ZFAT: variants seen among roughly 807,000 people sequenced by gnomAD.
ZFAT encodes zinc finger protein ZFAT.
ZFAT carries 64 observed loss-of-function variants against 117.7 expected under a neutral mutation model. The ratio of observed to expected loss-of-function variants is 0.54; its 90% CI spans 0.44 to 0.67. The LOEUF (loss-of-function observed/expected upper bound fraction) is 0.67. Ranked by LOEUF, ZFAT falls within the 30% of genes least tolerant of loss-of-function variation. ZFAT has a pLI of 0.00. For missense variants in ZFAT, 1,433 were observed against 1,584.5 expected (o/e 0.90, Z 1.62); for synonymous variants, 679 against 615.0 (o/e 1.10, Z -1.54).
At chr8:134,639,946 G>C (rs1449860473) in intron 2 of ZFAT, 5 of 361,804 alleles carry the variant, frequency 1.4e-5, no homozygotes, top group African/African-American at 1.1e-4. Flanking sequence ...TACCCAAAGA[G>C]AAGTCTGGCC....
At chr8:134,789,161 T>A in the ZFAT span, among the ~76,000 whole-genome samples, 1 of 152,228 alleles carries the variant, frequency 6.6e-6, no homozygotes, top group African/African-American at 2.4e-5. Flanking sequence ...AGGTATACAT[T>A]CTATTAGCCT....
chr8:134,561,772 G>A (rs887032768), intron 11 of ZFAT, among the ~76,000 whole-genome samples: 5 of 152,200 alleles, frequency 3.3e-5, no homozygotes, highest in African/African-American at 1.2e-4. Context: ...TAAAAAAAGC[G>A]AGACTTGATT....
intron 6 of ZFAT, among the ~76,000 whole-genome samples, chr8:134,601,023 A>G (rs1827399387): frequency 6.6e-6 from 1 of 152,054 alleles, no homozygotes; most frequent in Admixed American, 6.6e-5. Context: ...GATTTTCTAT[A>G]TCCTGACCAC....
intron 5 of ZFAT, among the ~76,000 whole-genome samples, chr8:134,604,290 T>C (rs557463726): frequency 1.1e-3 from 168 of 152,332 alleles, no homozygotes; most frequent in Non-Finnish European, 2.0e-3. Context: ...GACTTGAATC[T>C]AGGAAGACTC....
intron 12 of ZFAT, among the ~76,000 whole-genome samples, chr8:134,523,501 T>C (rs1820809462): frequency 6.6e-6 from 1 of 152,202 alleles, no homozygotes; most frequent in Non-Finnish European, 1.5e-5. Flanking sequence ...AAGTGCTCTC[T>C]CAGCAGCTAT....
intron 1 of ZFAT, among the ~76,000 whole-genome samples, chr8:134,672,543 A>C (rs965451369): frequency 6.6e-6 from 1 of 152,222 alleles, no homozygotes; most frequent in African/African-American, 2.4e-5. Flanking sequence ...GTACCCTAGA[A>C]CTTAAAGTAT....
the ZFAT span, among the ~76,000 whole-genome samples, chr8:134,805,771 C>T: frequency 2.6e-5 from 4 of 151,984 alleles, no homozygotes; most frequent in East Asian, 1.9e-4. Flanking sequence ...GCTTGAGTCC[C>T]GGAGTTCAAG....
the ZFAT span, among the ~76,000 whole-genome samples, chr8:134,733,304 A>G: frequency 6.6e-6 from 1 of 152,144 alleles, no homozygotes; most frequent in African/African-American, 2.4e-5. Context: ...CAAGTCCTCC[A>G]CGGCCAAAAT....
chr8:134,632,811 G>A (rs1439064963), intron 3 of ZFAT, among the ~76,000 whole-genome samples: 2 of 152,124 alleles, frequency 1.3e-5, no homozygotes, highest in African/African-American at 4.8e-5. Context: ...AAAGGTATAA[G>A]TAAAGTGCAT....
At chr8:134,524,808 G>A (rs999383324) in intron 12 of ZFAT, among the ~76,000 whole-genome samples, 5 of 152,160 alleles carry the variant, frequency 3.3e-5, no homozygotes, top group Non-Finnish European at 7.4e-5. Context: ...TTAATCCAAT[G>A]AATACTCTTC....
At chr8:134,516,255 CA>C (rs772277595) in intron 13 of ZFAT, among the ~76,000 whole-genome samples, 2 of 152,270 alleles carry the variant, frequency 1.3e-5, no homozygotes, top group Non-Finnish European at 2.9e-5. Flanking sequence ...GATACAAATA[CA>C]AAAGCTTAAT....
chr8:134,604,373 C>A (rs1348612051), intron 5 of ZFAT, among the ~76,000 whole-genome samples: 3 of 152,178 alleles, frequency 2.0e-5, no homozygotes, highest in African/African-American at 7.2e-5. Context: ...AGCGACCCTG[C>A]CCCAGAGTGA....
chr8:134,556,571 C>T (rs950241841), intron 11 of ZFAT, among the ~76,000 whole-genome samples: 30 of 151,860 alleles, frequency 2.0e-4, no homozygotes, highest in East Asian at 1.9e-3. Context: ...ATCTTAAAGC[C>T]GGCTAGAAGA....
intron 15 of ZFAT, among the ~76,000 whole-genome samples, chr8:134,505,001 C>G (rs1368746461): frequency 6.6e-6 from 1 of 152,186 alleles, no homozygotes; most frequent in Non-Finnish European, 1.5e-5. Context: ...CCACAGCACT[C>G]CTGGGTCCCT....
chr8:134,725,236 G>A, the ZFAT span, among the ~76,000 whole-genome samples: 1 of 152,150 alleles, frequency 6.6e-6, no homozygotes, highest in Non-Finnish European at 1.5e-5. Context: ...GCTGCCTCAG[G>A]GCACAAGTTC....
At chr8:134,569,374 A>G (rs1401486746) in intron 10 of ZFAT, among the ~76,000 whole-genome samples, 1 of 152,186 alleles carries the variant, frequency 6.6e-6, no homozygotes, top group African/African-American at 2.4e-5. Context: ...TCACAGCCAC[A>G]TAAGAATCTT....
chr8:134,793,168 A>G, the ZFAT span: 1 of 152,216 alleles, frequency 6.6e-6, no homozygotes, highest in East Asian at 1.9e-4. Flanking sequence ...TATCATGCCA[A>G]TGAATTTATA....
chr8:134,577,255 G>A (rs746253689), intron 10 of ZFAT, among the ~76,000 whole-genome samples: 21 of 152,178 alleles, frequency 1.4e-4, no homozygotes, highest in Non-Finnish European at 2.6e-4. Context: ...CCTTCACCCA[G>A]AATGAGCTAT....
chr8:134,756,209 C>A, the ZFAT span, among the ~76,000 whole-genome samples: 2 of 152,204 alleles, frequency 1.3e-5, no homozygotes, highest in Non-Finnish European at 2.9e-5. Context: ...CAACATCCCC[C>A]CTGCACATTT....
Sources: gnomAD v4.1 joint callset for allele counts (sites outside exome capture counted in the v4.1 genomes callset) on GRCh38, gnomAD v4.1.1 for gene constraint, MANE v1.5 for transcripts, NCBI Gene and HGNC (gene_info 2026-07-23, HGNC 2026-07-21) for gene names.